The following TEX11 variants were observed in gnomAD, a reference collection of about 807,000 sequenced individuals.
The protein encoded by TEX11 is testis-expressed protein 11.
TEX11 carries 7 observed loss-of-function variants against 84.4 expected under a neutral mutation model. The observed-to-expected ratio is 0.08, with a 90% CI of 0.05 to 0.16. The LOEUF (loss-of-function observed/expected upper bound fraction) is 0.16, where lower values mean the gene tolerates loss of function less well. Ranked by LOEUF, TEX11 falls within the 10% of genes least tolerant of loss-of-function variation. The pLI is 1.00. For synonymous variants in TEX11, 264 were observed against 222.8 expected (o/e 1.18, Z -1.64); for missense variants, 551 against 660.5 (o/e 0.83, Z 1.82).
intron 9 of TEX11, among the ~76,000 whole-genome samples, chrX:70,798,033 G>T (rs1477561496): frequency 1.9e-5 from 2 of 103,086 alleles, no homozygotes; most frequent in African/African-American, 7.1e-5. Flanking sequence ...ATGAGGGGGG[G>T]GGAAAGGCAT....
chrX:70,607,109 T>C, intron 22 of TEX11, 80 bp from the exon 23 acceptor site: 2 of 716,555 alleles, frequency 2.8e-6, no homozygotes, highest in Non-Finnish European at 4.1e-6. Flanking sequence ...CAATTTCTGA[T>C]ACTTACACCT....
intron 3 of TEX11, 108 bp downstream of exon 3, chrX:70,879,880 T>C: frequency 4.9e-6 from 3 of 616,271 alleles, no homozygotes; most frequent in Admixed American, 4.9e-5. Context: ...GATTTTTATA[T>C]GTTTAGCAAT....
chrX:70,710,880 C>T (rs190884117), intron 13 of TEX11, among the ~76,000 whole-genome samples: 383 of 109,719 alleles, frequency 3.5e-3, no homozygotes, highest in Non-Finnish European at 4.8e-3. Context: ...GTTGGTGTGC[C>T]GCACCCATTA....
At chrX:70,777,047 A>T (rs112551658) in intron 9 of TEX11, among the ~76,000 whole-genome samples, 17,147 of 102,766 alleles carry the variant, frequency 0.17, 1,133 homozygotes, top group Middle Eastern at 0.28. Context: ...TATTATTATT[A>T]TTTTTTTTTT....
chrX:70,617,640 C>T (rs1383508797), intron 20 of TEX11, among the ~76,000 whole-genome samples: 1 of 109,600 alleles, frequency 9.1e-6, no homozygotes, highest in Non-Finnish European at 1.9e-5. Context: ...TACATGGACA[C>T]AGAAAGGGAT....
downstream of TEX11, among the ~76,000 whole-genome samples, chrX:70,524,658 C>T (rs1252619749): frequency 8.9e-6 from 1 of 112,537 alleles, no homozygotes; most frequent in Non-Finnish European, 1.9e-5. Flanking sequence ...CTCCGCCTCC[C>T]AGGTTCAAGC....
intron 9 of TEX11, among the ~76,000 whole-genome samples, chrX:70,778,968 A>C (rs777206496): frequency 5.0e-4 from 56 of 111,167 alleles, no homozygotes; most frequent in Non-Finnish European, 8.1e-4. Flanking sequence ...TCATCATTTC[A>C]GGAGGCCCAG....
chrX:70,636,674 A>C (rs768582573), intron 17 of TEX11, among the ~76,000 whole-genome samples: 1 of 112,292 alleles, frequency 8.9e-6, no homozygotes, highest in East Asian at 2.8e-4. Context: ...TGGGGGCCTA[A>C]ACTTCAGGCC....
chrX:70,526,946 A>G (rs2087828858), downstream of TEX11, among the ~76,000 whole-genome samples: 1 of 112,232 alleles, frequency 8.9e-6, no homozygotes, highest in South Asian at 3.7e-4. Context: ...TTGGGCAGCA[A>G]AATAAATAAT....
At chrX:70,641,547 A>G (rs2147586804) in intron 17 of TEX11, among the ~76,000 whole-genome samples, 1 of 111,838 alleles carries the variant, frequency 8.9e-6, no homozygotes. Flanking sequence ...ATGTAAAAGA[A>G]CACAAATTAT....
At chrX:70,538,763 C>A (rs1203190320) in intron 28 of TEX11, among the ~76,000 whole-genome samples, 3 of 110,217 alleles carry the variant, frequency 2.7e-5, no homozygotes, top group African/African-American at 9.8e-5. Context: ...CCTTTCAATG[C>A]CTCAATTTGC....
intron 9 of TEX11, among the ~76,000 whole-genome samples, chrX:70,786,454 C>T (rs778640880): frequency 1.3e-4 from 14 of 110,836 alleles, no homozygotes; most frequent in Admixed American, 5.8e-4. Context: ...GCACATGTAC[C>T]GTAGAACTTG....
chrX:70,731,699 A>G (rs1309835388), intron 11 of TEX11, among the ~76,000 whole-genome samples: 3 of 110,887 alleles, frequency 2.7e-5, no homozygotes, highest in African/African-American at 6.5e-5. Context: ...GACCAGATGG[A>G]TTCACAGCCG....
intron 20 of TEX11, among the ~76,000 whole-genome samples, chrX:70,614,774 T>A (rs966191602): frequency 7.2e-5 from 8 of 111,143 alleles, no homozygotes; most frequent in Admixed American, 5.7e-4. Flanking sequence ...TAGGGGTGCT[T>A]GTATCAACAT....
chrX:70,609,078 A>C lies in TEX11; in HGVS notation c.1879+13T>G. On this transcript the variant is annotated intron_variant, in intron 22 of 29. Coordinates refer to ENST00000374333, the MANE Select transcript of TEX11 (RefSeq NM_031276.3). ...CCCACAATGTTTCCCAGAGCCACAG[A>C]ATTTCCTCTTACCTGTTTTTCGAAA... is the stretch of plus-strand genomic sequence containing the variant. 3.4e-6 allele frequency: 4 copies of C among 1,186,422 alleles called. No homozygotes were observed. The highest frequency in any genetic ancestry group is 4.6e-6 in the Non-Finnish European group (4 of 879,024).
intron 23 of TEX11, among the ~76,000 whole-genome samples, chrX:70,605,925 G>T (rs1047130821): frequency 3.6e-5 from 4 of 111,530 alleles, no homozygotes; most frequent in Admixed American, 9.6e-5. Context: ...GTTGAAAGAG[G>T]CATTGTCAAA....
chrX:70,734,068 A>G (rs1347626520), intron 11 of TEX11, among the ~76,000 whole-genome samples: 1 of 109,829 alleles, frequency 9.1e-6, no homozygotes, highest in South Asian at 4.0e-4. Flanking sequence ...AAAACCAAAC[A>G]CCGCATGTTC....
chrX:70,828,171 C>A (rs953983181), intron 8 of TEX11, among the ~76,000 whole-genome samples: 2 of 110,628 alleles, frequency 1.8e-5, no homozygotes, highest in African/African-American at 6.6e-5. Flanking sequence ...CTCTTCAATG[C>A]CCAGACACCG....
intron 7 of TEX11, among the ~76,000 whole-genome samples, chrX:70,841,196 C>A (rs1322638666): frequency 9.1e-6 from 1 of 110,374 alleles, no homozygotes; most frequent in Non-Finnish European, 1.9e-5. Flanking sequence ...AGCACCACAC[C>A]ACACCTATTC....
Sources: gnomAD v4.1 joint callset for allele counts (sites outside exome capture counted in the v4.1 genomes callset) on GRCh38, gnomAD v4.1.1 for gene constraint, MANE v1.5 for transcripts, NCBI Gene and HGNC (gene_info 2026-07-23, HGNC 2026-07-21) for gene names.